The following MEIS1 variants were observed in gnomAD, a reference collection of about 807,000 sequenced individuals.
MEIS1 encodes the protein homeobox protein Meis1.
Under a neutral mutation model 50.8 loss-of-function variants are expected in MEIS1, and 5 were observed. That is an observed-to-expected ratio of 0.10 (90% confidence interval 0.05 to 0.21). MEIS1 has a LOEUF of 0.21. MEIS1 is among the 10% of genes least tolerant of loss of function. The pLI is 1.00. For synonymous variants in MEIS1, 176 were observed against 179.3 expected (o/e 0.98, Z 0.15); for missense variants, 318 against 517.3 (o/e 0.61, Z 3.74).
intron 7 of MEIS1, among the ~76,000 whole-genome samples, chr2:66,485,902 G>C (rs1000333677): frequency 6.6e-6 from 1 of 152,130 alleles, no homozygotes; most frequent in Non-Finnish European, 1.5e-5. Flanking sequence ...GTCCTCTTTT[G>C]AAAAGTGTCT....
chr2:66,471,169 C>G (rs916320359), intron 7 of MEIS1, among the ~76,000 whole-genome samples: 2 of 152,170 alleles, frequency 1.3e-5, no homozygotes, highest in Admixed American at 6.5e-5. Flanking sequence ...ATTCCATCCT[C>G]ATGTGATTGG....
At chr2:66,570,478 C>T (rs1675458016) in intron 12 of MEIS1, 1 of 152,126 alleles carries the variant, frequency 6.6e-6, no homozygotes, top group African/African-American at 2.4e-5. Context: ...TTGTTAGAGC[C>T]TGGAGACCTT....
intron 8 of MEIS1, among the ~76,000 whole-genome samples, chr2:66,516,763 C>T (rs911196070): frequency 6.6e-6 from 1 of 152,028 alleles, no homozygotes; most frequent in Non-Finnish European, 1.5e-5. Context: ...ACTCTAAGGA[C>T]GGAGTAAATG....
chr2:66,474,245 G>A (rs1192639918), intron 7 of MEIS1, among the ~76,000 whole-genome samples: 6 of 152,142 alleles, frequency 3.9e-5, no homozygotes, highest in Non-Finnish European at 8.8e-5. Flanking sequence ...CCCGCAGTGA[G>A]CATCTAACAG....
At chr2:66,514,321 CA>C (rs1468619051) in intron 8 of MEIS1, among the ~76,000 whole-genome samples, 1 of 152,182 alleles carries the variant, frequency 6.6e-6, no homozygotes, top group African/African-American at 2.4e-5. Context: ...CATAGAGCTA[CA>C]TTATCTTCTT....
intron 7 of MEIS1, among the ~76,000 whole-genome samples, chr2:66,465,555 C>T (rs897706928): frequency 6.6e-6 from 1 of 152,204 alleles, no homozygotes; most frequent in Admixed American, 6.5e-5. Flanking sequence ...ACTCTACTTA[C>T]ACTATGAGTT....
intron 1 of MEIS1, chr2:66,437,526 C>A (rs1671826139): frequency 1.7e-6 from 1 of 583,910 alleles, no homozygotes. Flanking sequence ...CAAGATCATT[C>A]ATCCCAGACG....
At chr2:66,539,603 C>T (rs1674601485) in intron 8 of MEIS1, among the ~76,000 whole-genome samples, 1 of 152,168 alleles carries the variant, frequency 6.6e-6, no homozygotes, top group Admixed American at 6.5e-5. Context: ...TCAAATGGGT[C>T]TAGCGGCTGT....
chr2:66,515,768 A>G (rs1056544886), intron 8 of MEIS1, among the ~76,000 whole-genome samples: 17 of 152,190 alleles, frequency 1.1e-4, no homozygotes, highest in Admixed American at 2.0e-4. Flanking sequence ...AATGACTGAC[A>G]TGATTTAAAT....
chr2:66,570,972 C>G (rs1675471669), intron 12 of MEIS1: 1 of 369,344 alleles, frequency 2.7e-6, no homozygotes, highest in Non-Finnish European at 4.9e-6. Flanking sequence ...CAGACCAGAC[C>G]TCAAATAACA....
chr2:66,473,802 T>C (rs905758763), intron 7 of MEIS1, among the ~76,000 whole-genome samples: 12 of 152,054 alleles, frequency 7.9e-5, no homozygotes, highest in African/African-American at 2.9e-4. Context: ...AATAAATGGG[T>C]TTGGGGATGT....
chr2:66,526,370 T>C (rs1441639469), intron 8 of MEIS1, among the ~76,000 whole-genome samples: 1 of 152,174 alleles, frequency 6.6e-6, no homozygotes, highest in African/African-American at 2.4e-5. Flanking sequence ...CCCTTAGATG[T>C]CATTGTGCAA....
intron 7 of MEIS1, among the ~76,000 whole-genome samples, chr2:66,474,342 T>C (rs531147906): frequency 6.6e-6 from 1 of 152,294 alleles, no homozygotes; most frequent in South Asian, 2.1e-4. Flanking sequence ...GACAGGACCC[T>C]GTAGCAAGGG....
At chr2:66,474,488 A>C (rs1672843352) in intron 7 of MEIS1, among the ~76,000 whole-genome samples, 2 of 152,136 alleles carry the variant, frequency 1.3e-5, no homozygotes, top group African/African-American at 4.8e-5. Flanking sequence ...GATAGCACTA[A>C]TTAAGAATAG....
At chr2:66,560,821 TCTC>T (rs945739828) in intron 9 of MEIS1, among the ~76,000 whole-genome samples, 7 of 152,076 alleles carry the variant, frequency 4.6e-5, no homozygotes, top group South Asian at 2.1e-4. Flanking sequence ...TCCTGTCTAT[TCTC>T]CTCCTGCCGC....
chr2:66,453,870 G>A (rs928360647), intron 6 of MEIS1, among the ~76,000 whole-genome samples: 2 of 151,696 alleles, frequency 1.3e-5, no homozygotes, highest in Non-Finnish European at 2.9e-5. Context: ...TCTCTGGCTC[G>A]AGAGTTTAGA....
In MEIS1 at chr2:66,437,967, G is replaced by A. The variant is rs770838601; in HGVS notation, c.239+4G>A. On this transcript the variant is annotated splice_donor_region_variant and intron_variant, in intron 2 of 12. Coordinates refer to ENST00000272369, the MANE Select transcript of MEIS1 (RefSeq NM_002398.3). ...GAGATAAAGATGCCATTTATGGGTA[G>A]GTACAATGGGCAGCAGGTTAAGTAG... The A allele has an allele frequency of 1.3e-6, 2 of 1,559,454 alleles. No homozygotes were observed. The highest frequency in any genetic ancestry group is 1.4e-5 in the African/African-American group (1 of 73,474).
intron 7 of MEIS1, 91 bp from the exon 8 acceptor site, chr2:66,512,058 T>C (rs1219583473): frequency 1.5e-6 from 2 of 1,331,066 alleles, no homozygotes; most frequent in South Asian, 4.0e-5. Flanking sequence ...TTAAATTTGC[T>C]CTTTTGGTTT....
chr2:66,568,857 A>C, intron 11 of MEIS1, 101 bp downstream of exon 11: 2 of 1,222,044 alleles, frequency 1.6e-6, no homozygotes, highest in African/African-American at 1.5e-5. Context: ...TGTTATCTCA[A>C]GCTGGCTGCC....
Sources: gnomAD v4.1 joint callset for allele counts (sites outside exome capture counted in the v4.1 genomes callset) on GRCh38, gnomAD v4.1.1 for gene constraint, MANE v1.5 for transcripts, NCBI Gene and HGNC (gene_info 2026-07-23, HGNC 2026-07-21) for gene names.